The following ADNP2 variants were observed in gnomAD, a reference collection of about 807,000 sequenced individuals.
ADNP2 encodes activity-dependent neuroprotector homeobox protein 2.
In ADNP2, 8 loss-of-function variants were observed where a neutral mutation model predicts 16.4. The ratio of observed to expected loss-of-function variants is 0.49; its 90% CI spans 0.29 to 0.88. The LOEUF (loss-of-function observed/expected upper bound fraction) is 0.88, where lower values mean the gene tolerates loss of function less well. Among genes scored for constraint, ADNP2 ranks in the 40% least tolerant of loss-of-function variants. The probability of loss-of-function intolerance (pLI) is 0.09; values close to 1 mark genes in which losing one functional copy is unlikely to be tolerated. For synonymous variants in ADNP2, 637 were observed against 545.8 expected (o/e 1.17, Z -2.33); for missense variants, 1,397 against 1,395.1 (o/e 1.00, Z -0.02).
At chr18:80,114,216 A>G (rs947850844) in intron 1 of ADNP2, among the ~76,000 whole-genome samples, 2 of 151,814 alleles carry the variant, frequency 1.3e-5, no homozygotes, top group Admixed American at 1.3e-4. Flanking sequence ...GAAAAAAAAG[A>G]TCTTGAGAGG....
At position 80,134,185 on chromosome 18, in the gene ADNP2, T is replaced by G. The variant is rs115452947; in HGVS notation, c.198+993T>G. On this transcript the variant is annotated intron_variant, in intron 3 of 3. Coordinates refer to ENST00000262198, the MANE Select transcript of ADNP2 (RefSeq NM_014913.4). ...ATTTAGCAGATCTTGACTTCATGAATAGCAAGCCCCATTGATTTTTCTCAT... is the reference window on the plus strand; with the variant it reads ...ATTTAGCAGATCTTGACTTCATGAAGAGCAAGCCCCATTGATTTTTCTCAT... 6.9e-3 allele frequency among the ~76,000 whole-genome samples: 1,052 copies of G among 152,144 alleles called. 9 individuals carry two copies. Among genetic ancestry groups the G allele is most frequent in the African/African-American group, 0.024 (1,007 of 41,506 alleles).
At chr18:80,128,783 A>G (rs2052476803) in intron 2 of ADNP2, among the ~76,000 whole-genome samples, 1 of 152,158 alleles carries the variant, frequency 6.6e-6, no homozygotes, top group Non-Finnish European at 1.5e-5. Flanking sequence ...ATTTTTCTGT[A>G]GCTTTTTTTT....
intron 2 of ADNP2, among the ~76,000 whole-genome samples, chr18:80,130,825 G>A (rs9304062): frequency 0.19 from 27,373 of 142,944 alleles, 2,741 homozygotes; most frequent in Middle Eastern, 0.3. Flanking sequence ...ATTATTCATA[G>A]CACCTACCAC....
Position 80,115,186 on chromosome 18 carries a change from G to T in ADNP2, c.-13-2344G>T, listed in dbSNP as rs544716664. ...TTGCCACAGGTTGTATCTGTTACTT[G>T]ATATATGCCCACATTGTCTCGTATC... is the stretch of plus-strand genomic sequence containing the variant. On this transcript the variant is annotated intron_variant, in intron 1 of 3. Transcript: ENST00000262198. 2.6e-5 allele frequency among the ~76,000 whole-genome samples: 4 copies of T among 152,284 alleles called. No homozygotes were observed. In the East Asian group the frequency reaches 5.8e-4, roughly 22 times the overall value.
chr18:80,128,341 A>AT (rs1568412103), intron 2 of ADNP2, among the ~76,000 whole-genome samples: 1 of 152,202 alleles, frequency 6.6e-6, no homozygotes, highest in Admixed American at 6.5e-5. Context: ...AAATAACCTA[A>AT]TTTTCAGTAG....
rs143040496 is a variant in ADNP2 at position 80,138,430 on chromosome 18, C to T, written c.3017C>T (p.Pro1006Leu). The change falls in exon 4 of 4, where the codon CCG becomes CTG. Residue 1006 changes from proline to leucine, a missense_variant. Pro to Leu is a moderately conservative substitution (Grantham distance 98). Coordinates refer to ENST00000262198, the MANE Select transcript of ADNP2 (RefSeq NM_014913.4). ...QPPILNADAA[P>L]GPEKVTSVVP... ...CCCATCCTAAATGCCGATGCAGCCC[C>T]GGGTCCAGAAAAGGTGACGAGTGTT... 5.0e-5 allele frequency: 80 copies of T among 1,613,850 alleles called. No homozygotes were observed. In the Admixed American group the frequency reaches 5.8e-4, roughly 12 times the overall value.
chr18:80,132,721 GTCTC>G (rs1295863954), intron 2 of ADNP2, among the ~76,000 whole-genome samples: 6 of 123,046 alleles, frequency 4.9e-5, no homozygotes, highest in Admixed American at 1.0e-4. Context: ...CCCTCTTTCT[GTCTC>G]TCTCTCTCTC....
At chr18:80,115,693 G>T (rs1409254547) in intron 1 of ADNP2, among the ~76,000 whole-genome samples, 1 of 152,126 alleles carries the variant, frequency 6.6e-6, no homozygotes, top group South Asian at 2.1e-4. Context: ...TTCACATTGC[G>T]TATACATCAC....
At chr18:80,110,651 G>A (rs2052351679) in intron 1 of ADNP2, among the ~76,000 whole-genome samples, 2 of 152,238 alleles carry the variant, frequency 1.3e-5, no homozygotes, top group African/African-American at 4.8e-5. Context: ...AGTCGGTAAT[G>A]TATGTGTAAC....
Position 80,137,813 on chromosome 18 carries a change from T to C in ADNP2, c.2400T>C (p.Pro800=). The C allele has an allele frequency of 6.2e-7, 1 of 1,614,152 alleles. No homozygotes were observed. The highest frequency in any genetic ancestry group is 8.5e-7 in the Non-Finnish European group (1 of 1,180,032). ...GGCACCTGGGGAAGAAGAAGTTGCC[T>C]ATGGATTATAGCAACAGAGGTTTTC... ...RNRHLGKKKL[P]MDYSNRGFQL... is the part of the protein sequence containing the mutation. The change falls in exon 4 of 4, where the codon CCT becomes CCC. Residue 800 remains proline (P), a synonymous_variant. Coordinates refer to ENST00000262198, the MANE Select transcript of ADNP2 (RefSeq NM_014913.4). This position sits in a 1 kb window ranked among gnomAD's most constrained non-coding sequence, Gnocchi z 4.2.
intron 3 of ADNP2, among the ~76,000 whole-genome samples, chr18:80,135,214 T>C (rs1339042527): frequency 6.6e-6 from 1 of 152,208 alleles, no homozygotes; most frequent in Admixed American, 6.5e-5. Context: ...AATTAGCCCG[T>C]GAGCCATGAG....
chr18:80,137,536 A>G lies in ADNP2; in HGVS notation c.2123A>G (p.Tyr708Cys). ...VCNELFPSNV[Y>C]QVHMEVAHKH... ...AACGAGCTCTTTCCGTCCAACGTCT[A>G]CCAGGTCCACATGGAGGTAGCGCAT... is the stretch of plus-strand genomic sequence containing the variant. The change falls in exon 4 of 4, where the codon TAC becomes TGC. Residue 708 changes from tyrosine (Y) to cysteine (C), a missense_variant. This residue lies in a region of ADNP2 where 611 missense variants were observed against 648.7 expected (regional missense o/e 0.94). Coordinates refer to ENST00000262198, the MANE Select transcript of ADNP2 (RefSeq NM_014913.4). The surrounding 1 kb of genome is among the most constrained non-coding windows in gnomAD (Gnocchi z 4.2). 2 of 1,614,250 alleles carry G rather than the reference A, an allele frequency of 1.2e-6. No homozygotes were observed. Among genetic ancestry groups the G allele is most frequent in the East Asian group, 2.2e-5 (1 of 44,888 alleles).
At chr18:80,134,282 C>T (rs944047431) in intron 3 of ADNP2, among the ~76,000 whole-genome samples, 2 of 151,896 alleles carry the variant, frequency 1.3e-5, no homozygotes, top group African/African-American at 4.8e-5. Context: ...TCGCTTGAAC[C>T]GGGATGGCGT....
At position 80,137,840 on chromosome 18, in the gene ADNP2, A is replaced by G. The variant is rs369938702; in HGVS notation, c.2427A>G (p.Gln809=). The G allele has an allele frequency of 3.8e-5, 61 of 1,614,030 alleles. No homozygotes were observed. Among genetic ancestry groups the G allele is most frequent in the Non-Finnish European group, 5.0e-5 (59 of 1,180,046 alleles). Reference sequence around the variant, plus strand: ...TGGATTATAGCAACAGAGGTTTTCAATTAGATGTCGATGCCAATGGCAACC... The same window carrying G: ...TGGATTATAGCAACAGAGGTTTTCAGTTAGATGTCGATGCCAATGGCAACC... The part of the protein sequence containing the change: ...LPMDYSNRGF[Q]LDVDANGNLL... Residue 809 remains glutamine, a synonymous_variant, in exon 4 of 4, where the codon CAA becomes CAG. Transcript: ENST00000262198. The surrounding 1 kb of genome is among the most constrained non-coding windows in gnomAD (Gnocchi z 4.2).
At chr18:80,114,858 A>G (rs531524386) in intron 1 of ADNP2, among the ~76,000 whole-genome samples, 6 of 152,114 alleles carry the variant, frequency 3.9e-5, no homozygotes, top group Non-Finnish European at 7.4e-5. Context: ...CTTCACTCCC[A>G]TGCTGGTAGT....
At chr18:80,121,645 C>T (rs58975665) in intron 2 of ADNP2, among the ~76,000 whole-genome samples, 4,354 of 152,098 alleles carry the variant, frequency 0.029, 186 homozygotes, top group African/African-American at 0.097. Flanking sequence ...TATGTTTTTC[C>T]TAAGAGTTTT....
chr18:80,124,246 ATCTG>A (rs1302582248), intron 2 of ADNP2, among the ~76,000 whole-genome samples: 1 of 152,152 alleles, frequency 6.6e-6, no homozygotes, highest in Admixed American at 6.5e-5. Flanking sequence ...GTTCCTAATA[ATCTG>A]TCTCTCTCTC....
chr18:80,135,450 C>T (rs753447758), intron 3 of ADNP2, among the ~76,000 whole-genome samples, 162 bp from the exon 4 acceptor site: 44 of 152,206 alleles, frequency 2.9e-4, no homozygotes, highest in Admixed American at 5.9e-4. Context: ...CACTCTCTGG[C>T]CCTTCACAGA....
intron 2 of ADNP2, among the ~76,000 whole-genome samples, chr18:80,132,511 A>G (rs183535529): frequency 3.9e-4 from 60 of 152,252 alleles, no homozygotes; most frequent in African/African-American, 1.4e-3. Context: ...GGATGACTAT[A>G]CTTTCATTTC....
Sources: allele counts gnomAD v4.1 joint callset (sites outside exome capture counted in the v4.1 genomes callset), GRCh38; gene constraint gnomAD v4.1.1; regional missense constraint gnomAD v4.1.1; non-coding constraint Gnocchi (gnomAD v3.1); transcripts MANE v1.5; gene names NCBI Gene and HGNC (gene_info 2026-07-23, HGNC 2026-07-21).